Variants in PARN observed in about 807,000 individuals in gnomAD.
PARN encodes poly(A)-specific ribonuclease PARN.
Under a neutral mutation model 102.8 loss-of-function variants are expected in PARN, and 71 were observed. The ratio of observed to expected loss-of-function variants is 0.69; its 90% CI spans 0.57 to 0.84. PARN has a LOEUF of 0.84. Among genes scored for constraint, PARN ranks in the 40% least tolerant of loss-of-function variants. PARN has a pLI of 0.00. For missense variants in PARN, 782 were observed against 760.9 expected, an observed-to-expected ratio of 1.03 and a Z score of -0.33; for synonymous variants, 261 against 252.9, an observed-to-expected ratio of 1.03 and a Z score of -0.30.
At chr16:14,450,700 A>T (rs1961410062) in intron 22 of PARN, among the ~76,000 whole-genome samples, 1 of 152,194 alleles carries the variant, frequency 6.6e-6, no homozygotes. Context: ...AAAAGGAACC[A>T]GGGTTCCTCA....
In PARN at chr16:14,482,628, G is replaced by C. The variant is rs760818800; in HGVS notation, c.1670+10C>G. ...TCTGGCCTTTTAAATTAACAGCTGA[G>C]AGCTCTTACCTATTGTTGCGGTAAT... On this transcript the variant is annotated intron_variant, in intron 22 of 23. Coordinates refer to ENST00000437198, the MANE Select transcript of PARN (RefSeq NM_002582.4). 11 of 1,576,542 alleles carry C rather than the reference G, an allele frequency of 7.0e-6. No individual in the cohort carries two copies.
At chr16:14,515,916 G>C (rs1228730780) in intron 21 of PARN, among the ~76,000 whole-genome samples, 3 of 152,062 alleles carry the variant, frequency 2.0e-5, no homozygotes, top group African/African-American at 7.2e-5. Flanking sequence ...CTCCAGCCTA[G>C]GTTAACAGAT....
chr16:14,503,020 T>C lies in PARN; in HGVS notation c.1481-20193A>G, dbSNP rs546797189. ...ATAGCATTTTTTTAAATTGTGAGAATGGTTTAAATAAAACATAAGACGGTA... is the reference window on the plus strand; with the variant it reads ...ATAGCATTTTTTTAAATTGTGAGAACGGTTTAAATAAAACATAAGACGGTA... On this transcript the variant is annotated intron_variant, in intron 21 of 23. Coordinates refer to ENST00000437198, the MANE Select transcript of PARN (RefSeq NM_002582.4). 4.0e-3 allele frequency among the ~76,000 whole-genome samples: 602 copies of C among 152,288 alleles called. 7 individuals carry two copies. Among genetic ancestry groups the C allele is most frequent in the African/African-American group, 0.014 (570 of 41,546 alleles).
chr16:14,580,310 CAG>C (rs1969445137), intron 18 of PARN, among the ~76,000 whole-genome samples: 1 of 150,198 alleles, frequency 6.7e-6, no homozygotes, highest in Non-Finnish European at 1.5e-5. Context: ...TTTTTTCAGA[CAG>C]AGTTTTGCTG....
chr16:14,584,000 G>C (rs1969689561), intron 16 of PARN, among the ~76,000 whole-genome samples: 1 of 152,168 alleles, frequency 6.6e-6, no homozygotes, highest in East Asian at 1.9e-4. Flanking sequence ...TACCCCTGGT[G>C]ATTAATCACT....
intron 22 of PARN, among the ~76,000 whole-genome samples, chr16:14,459,394 G>A (rs981262261): frequency 2.0e-5 from 3 of 152,112 alleles, no homozygotes; most frequent in African/African-American, 7.2e-5. Context: ...GACTGGAAGT[G>A]GAACTTTAAA....
chr16:14,585,980 CTTTTTTT>C (rs772896503), intron 14 of PARN, among the ~76,000 whole-genome samples: 3 of 127,240 alleles, frequency 2.4e-5, no homozygotes, highest in Admixed American at 8.0e-5. Context: ...CACAATGACT[CTTTTTTT>C]TTTTTTTTTT....
chr16:14,604,773 G>A (rs1230331729), intron 10 of PARN, among the ~76,000 whole-genome samples: 2 of 151,528 alleles, frequency 1.3e-5, no homozygotes, highest in African/African-American at 2.4e-5. Context: ...GCACCAATAC[G>A]CCCAGCTAAT....
chr16:14,437,643 A>G (rs183341979), intron 23 of PARN, among the ~76,000 whole-genome samples: 29 of 152,354 alleles, frequency 1.9e-4, no homozygotes, highest in African/African-American at 7.0e-4. Flanking sequence ...TGGCCCGACC[A>G]GGCGTCAGCT....
At position 14,552,041 on chromosome 16, in the gene PARN, T is replaced by C. The variant is rs1347988895; in HGVS notation, c.1460A>G (p.Gln487Arg). The C allele has an allele frequency of 6.2e-7, 1 of 1,612,186 alleles. No individual in the cohort carries two copies. Among genetic ancestry groups the C allele is most frequent in the Non-Finnish European group, 8.5e-7 (1 of 1,178,494 alleles). The change falls in exon 21 of 24, where the codon CAG becomes CGG. Residue 487 changes from glutamine (Q) to arginine (R), a missense_variant. Physicochemically the swap from Gln to Arg is conservative, Grantham distance 43 (BLOSUM62 1). Transcript: ENST00000437198. Reference protein sequence around the residue: ...DDTSAFVSLSQPEQVKIAVNT... With the variant: ...DDTSAFVSLSRPEQVKIAVNT... Reference sequence around the variant, plus strand: ...CTTACCAATCTTTACTTGCTCGGGCTGGCTAAGGGAAACAAATGCTGATGT... The same window carrying C: ...CTTACCAATCTTTACTTGCTCGGGCCGGCTAAGGGAAACAAATGCTGATGT...
rs149921871 is a variant in PARN at position 14,450,945 on chromosome 16, C to T, written c.1671-3864G>A. On this transcript the variant is annotated intron_variant, in intron 22 of 23. Coordinates refer to ENST00000437198, the MANE Select transcript of PARN (RefSeq NM_002582.4). ...AGCAATCCATGAGTCTACATCAATACGTAAGACAAGGAAAGGAAAGGAAAG... is the reference window on the plus strand; with the variant it reads ...AGCAATCCATGAGTCTACATCAATATGTAAGACAAGGAAAGGAAAGGAAAG... Among the ~76,000 whole-genome samples, 426 of 151,918 alleles carry T rather than the reference C, an allele frequency of 2.8e-3. 3 individuals are homozygous for T. The highest frequency in any genetic ancestry group is 6.8e-3 in the Middle Eastern group (2 of 294).
chr16:14,465,546 G>A (rs1352535497), intron 22 of PARN, among the ~76,000 whole-genome samples: 1 of 152,182 alleles, frequency 6.6e-6, no homozygotes, highest in Non-Finnish European at 1.5e-5. Flanking sequence ...TATGCTATAT[G>A]TGAATTGGTA....
chr16:14,465,296 C>A (rs1962262808), intron 22 of PARN, among the ~76,000 whole-genome samples: 1 of 152,128 alleles, frequency 6.6e-6, no homozygotes. Flanking sequence ...ATTGCCCAGG[C>A]TGGTCTCGAA....
At chr16:14,493,122 T>C (rs1348483899) in intron 21 of PARN, among the ~76,000 whole-genome samples, 1 of 152,242 alleles carries the variant, frequency 6.6e-6, no homozygotes, top group Non-Finnish European at 1.5e-5. Context: ...GAACTATAAA[T>C]TTCAAAATTT....
intron 13 of PARN, among the ~76,000 whole-genome samples, chr16:14,588,689 CAAGCATGGT>C: frequency 6.6e-6 from 1 of 152,082 alleles, no homozygotes; most frequent in Middle Eastern, 3.4e-3. Flanking sequence ...ACCAGCCTGG[CAAGCATGGT>C]GAAATCCCAT....
At chr16:14,574,196 G>A (rs1000999119) in intron 18 of PARN, among the ~76,000 whole-genome samples, 6 of 152,186 alleles carry the variant, frequency 3.9e-5, no homozygotes, top group Non-Finnish European at 5.9e-5. Flanking sequence ...CTGGAGCAAA[G>A]GTGACCCTTG....
chr16:14,611,504 A>G (rs1312726176), intron 6 of PARN, among the ~76,000 whole-genome samples: 2 of 152,168 alleles, frequency 1.3e-5, no homozygotes. Flanking sequence ...TGTCCAGGCA[A>G]GAGACAAGAG....
intron 14 of PARN, among the ~76,000 whole-genome samples, 192 bp from the exon 15 acceptor site, chr16:14,584,983 C>T (rs868242253): frequency 6.6e-6 from 1 of 152,218 alleles, no homozygotes; most frequent in African/African-American, 2.4e-5. Context: ...CCAGCACCAG[C>T]ATCCCTGCTA....
At chr16:14,584,626 G>T in intron 15 of PARN, 123 bp downstream of exon 15, 1 of 793,028 alleles carries the variant, frequency 1.3e-6, no homozygotes, top group South Asian at 1.6e-5. Flanking sequence ...ATAACCAAAT[G>T]AATAAAGATC....
Sources: allele counts gnomAD v4.1 joint callset (sites outside exome capture counted in the v4.1 genomes callset), GRCh38; gene constraint gnomAD v4.1.1; transcripts MANE v1.5; gene names NCBI Gene and HGNC (gene_info 2026-07-23, HGNC 2026-07-21).